The following OR10J1 variants were observed in gnomAD, a reference collection of about 807,000 sequenced individuals.
OR10J1 encodes the protein olfactory receptor family 10 subfamily J member 1.
For synonymous variants in OR10J1, 202 were observed against 143.8 expected (o/e 1.40, Z -2.89); for missense variants, 474 against 376.6 (o/e 1.26, Z -2.14).
chr1:159,418,969 G>A, the OR10J1 span, among the ~76,000 whole-genome samples: 1 of 152,072 alleles, frequency 6.6e-6, no homozygotes, highest in Admixed American at 6.6e-5. Flanking sequence ...ACTTGCATGG[G>A]GCCTGTAGCC....
chr1:159,403,960 C>T, the OR10J1 span, among the ~76,000 whole-genome samples: 1 of 152,004 alleles, frequency 6.6e-6, no homozygotes, highest in Non-Finnish European at 1.5e-5. Context: ...CAGTCGTTTG[C>T]AACAACATGA....
At chr1:159,399,025 T>C in the OR10J1 span, among the ~76,000 whole-genome samples, 1 of 150,542 alleles carries the variant, frequency 6.6e-6, no homozygotes, top group Non-Finnish European at 1.5e-5. Flanking sequence ...AAAGAAAAGA[T>C]ACTAAAAGCA....
At chr1:159,438,080 T>C (rs1655791453), upstream of OR10J1, 1 of 152,194 alleles carries the variant, frequency 6.6e-6, no homozygotes. Context: ...GAAATGGGGC[T>C]CATTACATAT....
the OR10J1 span, chr1:159,405,658 G>T: frequency 3.7e-5 from 18 of 484,030 alleles, no homozygotes; most frequent in Non-Finnish European, 6.4e-5. Context: ...GGTGCAGGTG[G>T]CACAGGCCTT....
the OR10J1 span, among the ~76,000 whole-genome samples, chr1:159,410,953 T>G: frequency 0.015 from 2,341 of 152,188 alleles, 51 homozygotes; most frequent in East Asian, 0.06. Flanking sequence ...CATTTCGTTA[T>G]GTACCCAGTA....
chr1:159,440,780 T>C lies in OR10J1; in HGVS notation c.*59T>C. On this transcript the variant is annotated 3_prime_UTR_variant, in exon 1 of 1. Transcript: ENST00000423932. ...ATCCACACTAGGCAGGAATATGAGG[T>C]GTAAACTCACAAACACTTGGCTCCT... 1 of 1,538,012 alleles carries C rather than the reference T, an allele frequency of 6.5e-7. No individual in the cohort carries two copies. Among genetic ancestry groups the C allele is most frequent in the South Asian group, 1.3e-5 (1 of 79,044 alleles).
the OR10J1 span, among the ~76,000 whole-genome samples, chr1:159,432,053 T>A: frequency 2.0e-4 from 30 of 152,186 alleles, no homozygotes; most frequent in Middle Eastern, 3.2e-3. Flanking sequence ...AGTACTTGCC[T>A]GTGTCTGAAT....
chr1:159,422,842 G>A, the OR10J1 span, among the ~76,000 whole-genome samples: 5 of 152,114 alleles, frequency 3.3e-5, no homozygotes, highest in Admixed American at 2.0e-4. Context: ...GGGGCTTTTC[G>A]CTTACTCTTT....
chr1:159,412,949 G>T, the OR10J1 span, among the ~76,000 whole-genome samples: 8 of 151,984 alleles, frequency 5.3e-5, no homozygotes, highest in African/African-American at 1.4e-4. Context: ...CTGACAAAGG[G>T]CTAATATCCA....
At chr1:159,403,831 G>C in the OR10J1 span, among the ~76,000 whole-genome samples, 22 of 152,124 alleles carry the variant, frequency 1.4e-4, no homozygotes, top group African/African-American at 5.3e-4. Context: ...TGGCAGCACT[G>C]TTTGCAATAG....
the OR10J1 span, among the ~76,000 whole-genome samples, chr1:159,399,072 T>A: frequency 2.2e-4 from 33 of 151,702 alleles, no homozygotes; most frequent in Non-Finnish European, 4.7e-4. Context: ...CAATTAAGCT[T>A]CACTACATCT....
the OR10J1 span, among the ~76,000 whole-genome samples, chr1:159,411,386 A>C: frequency 6.6e-6 from 1 of 152,216 alleles, no homozygotes. Context: ...GTGCTCCTGT[A>C]TTGGGTGCAT....
At chr1:159,398,841 G>A in the OR10J1 span, among the ~76,000 whole-genome samples, 1 of 152,094 alleles carries the variant, frequency 6.6e-6, no homozygotes, top group Non-Finnish European at 1.5e-5. Flanking sequence ...TTAAAGAGGA[G>A]GTAAAGAAAG....
At chr1:159,427,904 T>G in the OR10J1 span, among the ~76,000 whole-genome samples, 2 of 152,158 alleles carry the variant, frequency 1.3e-5, no homozygotes, top group African/African-American at 4.8e-5. Context: ...TTTAAAAATT[T>G]CTTAATGTAA....
At chr1:159,430,669 G>A in the OR10J1 span, among the ~76,000 whole-genome samples, 129 of 20,204 alleles carry the variant, frequency 6.4e-3, 2 homozygotes, top group Admixed American at 0.019. Flanking sequence ...GTGTGTGTGT[G>A]CGCGCGCGCA....
At chr1:159,413,620 A>G in the OR10J1 span, among the ~76,000 whole-genome samples, 1 of 150,202 alleles carries the variant, frequency 6.7e-6, no homozygotes, top group South Asian at 2.1e-4. Context: ...GTTCTCACTC[A>G]TAGGTCGGAA....
rs748859442 is a variant in OR10J1, at chr1:159,439,813, C to T, written c.22C>T (p.Leu8Phe). 1.9e-6 allele frequency: 3 copies of T among 1,614,080 alleles called. No homozygotes were observed. In the Admixed American group the frequency reaches 5.0e-5, roughly 27 times the overall value. ...ATCCATGAAAAGAGAGAACTTTACT[C>T]TCATCACTGACTTTGTTTTCCAAGG... MKRENFTLITDFVFQGFS... is the reference protein window; with the variant it reads MKRENFTFITDFVFQGFS... Residue 8 changes from leucine (L) to phenylalanine (F), a missense_variant, in exon 1 of 1, where the codon CTC becomes TTC. Physicochemically the swap from Leu to Phe is conservative, Grantham distance 22 (BLOSUM62 0). Transcript: ENST00000423932.
At chr1:159,410,492 G>A in the OR10J1 span, among the ~76,000 whole-genome samples, 1 of 152,104 alleles carries the variant, frequency 6.6e-6, no homozygotes, top group African/African-American at 2.4e-5. Flanking sequence ...TCGTAGAGGT[G>A]TTTGTAGTAT....
chr1:159,440,696 G>C lies in OR10J1; in HGVS notation c.905G>C (p.Arg302Thr), dbSNP rs1304858588. 1 of 1,611,378 alleles carries C rather than the reference G, an allele frequency of 6.2e-7. No individual in the cohort carries two copies. Among genetic ancestry groups the C allele is most frequent in the African/African-American group, 1.3e-5 (1 of 74,842 alleles). The change falls in exon 1 of 1, where the codon AGG (arginine) becomes ACG (threonine). Residue 302 changes from arginine to threonine, a missense_variant. Arg to Thr is a moderately conservative substitution (Grantham distance 71). Coordinates refer to ENST00000423932, the MANE Select transcript of OR10J1 (RefSeq NM_012351.3). ...RNKEVKDALC[R>T]AVGGKFS The stretch of plus-strand genomic sequence containing the variant: ...AAAGAGGTCAAAGATGCTCTGTGCA[G>C]GGCTGTTGGTGGGAAGTTTTCCTGA...
Sources: gnomAD v4.1 joint callset for allele counts (sites outside exome capture counted in the v4.1 genomes callset) on GRCh38, gnomAD v4.1.1 for gene constraint, MANE v1.5 for transcripts, NCBI Gene and HGNC (gene_info 2026-07-23, HGNC 2026-07-21) for gene names.